GAD2: variants seen among roughly 807,000 people sequenced by gnomAD.
The protein encoded by GAD2 is 65 kDa glutamic acid decarboxylase.
Under a neutral mutation model 80.1 loss-of-function variants are expected in GAD2, and 22 were observed. That is an observed-to-expected ratio of 0.27 (90% confidence interval 0.20 to 0.39). The LOEUF (loss-of-function observed/expected upper bound fraction) is 0.39, where lower values mean the gene tolerates loss of function less well. Ranked by LOEUF, GAD2 falls within the 10% of genes least tolerant of loss-of-function variation. GAD2 has a pLI of 1.00. For missense variants in GAD2, 624 were observed against 738.4 expected (o/e 0.85, Z 1.80); for synonymous variants, 274 against 256.9 (o/e 1.07, Z -0.64).
At chr10:26,229,185 C>A (rs1025886358) in intron 6 of GAD2, among the ~76,000 whole-genome samples, 4 of 143,560 alleles carry the variant, frequency 2.8e-5, no homozygotes, top group African/African-American at 1.1e-4. Context: ...CAGAGTGAGA[C>A]CCTGTCTCAA....
chr10:26,257,912 T>C (rs950263376), intron 8 of GAD2, among the ~76,000 whole-genome samples: 1 of 152,192 alleles, frequency 6.6e-6, no homozygotes, highest in African/African-American at 2.4e-5. Context: ...GTTCAGCGCA[T>C]TGTAGTGGGA....
At chr10:26,281,377 C>G (rs900871154) in intron 12 of GAD2, among the ~76,000 whole-genome samples, 6 of 152,146 alleles carry the variant, frequency 3.9e-5, no homozygotes, top group African/African-American at 1.4e-4. Flanking sequence ...AATCCAGAGA[C>G]CCTCTATGTC....
At position 26,292,987 on chromosome 10, in the gene GAD2, C is replaced by G. The variant is rs149742560; in HGVS notation, c.1580C>G (p.Ser527Trp). The G allele has an allele frequency of 2.5e-6, 4 of 1,611,646 alleles. No individual in the cohort carries two copies. In the South Asian group the frequency reaches 3.3e-5, roughly 13 times the overall value. ...EDNEERMSRLSKVAPVIKARM... is the reference protein window; with the variant it reads ...EDNEERMSRLWKVAPVIKARM... ...AATGAAGAGAGAATGAGTCGCCTCT[C>G]GAAGGTCAGTGCTCCAAGCTCCTCT... Residue 527 changes from serine to tryptophan, a missense_variant, in exon 15 of 16, where the codon TCG becomes TGG. Ser to Trp is a radical substitution (Grantham distance 177, BLOSUM62 -3). Transcript: ENST00000376261.
chr10:26,250,242 C>T (rs973365437), intron 8 of GAD2, among the ~76,000 whole-genome samples: 3 of 152,166 alleles, frequency 2.0e-5, no homozygotes, highest in Admixed American at 6.5e-5. Flanking sequence ...TCTTGAACTC[C>T]TAGCCTCAAA....
At chr10:26,227,477 T>G (rs1247825981) in intron 6 of GAD2, among the ~76,000 whole-genome samples, 3 of 152,222 alleles carry the variant, frequency 2.0e-5, no homozygotes, top group Non-Finnish European at 4.4e-5. Flanking sequence ...TCAGAAGAAA[T>G]GCACATGAAG....
At chr10:26,293,879 C>T (rs1834245846) in intron 15 of GAD2, among the ~76,000 whole-genome samples, 1 of 152,156 alleles carries the variant, frequency 6.6e-6, no homozygotes, top group South Asian at 2.1e-4. Flanking sequence ...AAGGATTGTC[C>T]ACCCATCTTG....
At chr10:26,241,294 A>G (rs983042120) in intron 7 of GAD2, among the ~76,000 whole-genome samples, 1 of 152,206 alleles carries the variant, frequency 6.6e-6, no homozygotes, top group Non-Finnish European at 1.5e-5. Context: ...ACTGATCATT[A>G]CAAGAGTCTT....
At chr10:26,220,249 T>C (rs1844436263) in intron 4 of GAD2, among the ~76,000 whole-genome samples, 2 of 152,202 alleles carry the variant, frequency 1.3e-5, no homozygotes, top group Admixed American at 1.3e-4. Context: ...AGTTGATGTG[T>C]AGCCTTTAAA....
At chr10:26,269,924 T>A (rs1018435710) in intron 9 of GAD2, among the ~76,000 whole-genome samples, 19 of 152,200 alleles carry the variant, frequency 1.2e-4, no homozygotes, top group Non-Finnish European at 2.4e-4. Context: ...TCTAGTAACA[T>A]CAACTAGAAG....
Position 26,217,601 on chromosome 10 carries a change from TC to T in GAD2, c.77-7del. 1.9e-6 allele frequency: 3 copies of T among 1,611,518 alleles called. No homozygotes were observed. The highest frequency in any genetic ancestry group is 2.5e-6 in the Non-Finnish European group (3 of 1,178,938). On this transcript the variant is annotated splice_polypyrimidine_tract_variant and splice_region_variant and intron_variant, in intron 1 of 15. Transcript: ENST00000376261. The surrounding 1 kb of genome is among the most constrained non-coding windows in gnomAD (Gnocchi z 4.9). ...GCCTCGCTGTCTGCCTGCCTATTCT[TC>T]CTTGCAGCGCGAGCCTGGTGCCAAG...
chr10:26,292,777 G>A, intron 14 of GAD2, 125 bp from the exon 15 acceptor site: 1 of 901,368 alleles, frequency 1.1e-6, no homozygotes, highest in Admixed American at 1.8e-5. Flanking sequence ...CCCTCCAATG[G>A]CAATTCCTGA....
chr10:26,294,591 C>T (rs1239264307), intron 15 of GAD2, among the ~76,000 whole-genome samples: 1 of 152,166 alleles, frequency 6.6e-6, no homozygotes, highest in East Asian at 1.9e-4. Context: ...TTCCAATGTG[C>T]ACCTCAGCTA....
At chr10:26,236,409 T>C (rs1196063544) in intron 7 of GAD2, among the ~76,000 whole-genome samples, 3 of 151,190 alleles carry the variant, frequency 2.0e-5, no homozygotes, top group Non-Finnish European at 4.4e-5. Flanking sequence ...CAAGCAATGG[T>C]CCTGCCTCAG....
chr10:26,276,082 C>G (rs1845197471), intron 11 of GAD2, among the ~76,000 whole-genome samples: 1 of 152,048 alleles, frequency 6.6e-6, no homozygotes, highest in Non-Finnish European at 1.5e-5. Context: ...AGGAGGATCA[C>G]TGGAGTCCAG....
chr10:26,234,723 A>G (rs976480510), intron 7 of GAD2, among the ~76,000 whole-genome samples: 1 of 152,166 alleles, frequency 6.6e-6, no homozygotes. Context: ...GGAGGGTTCA[A>G]TTAGACACCA....
intron 7 of GAD2, among the ~76,000 whole-genome samples, chr10:26,241,030 A>G (rs7910604): frequency 0.071 from 10,816 of 152,130 alleles, 1,260 homozygotes; most frequent in African/African-American, 0.24. Flanking sequence ...CGACAGAGTG[A>G]GACTCCGTCT....
chr10:26,301,782 C>T lies in GAD2; in HGVS notation c.*821C>T, dbSNP rs1229619590. On this transcript the variant is annotated 3_prime_UTR_variant, in exon 16 of 16. Coordinates refer to ENST00000376261, the MANE Select transcript of GAD2 (RefSeq NM_001134366.2). ...CCATTGGCAGTAAGATTCTCTTCCCCTTTAAGTTTTCCACCCATTTTACTC... is the reference window on the plus strand; with the variant it reads ...CCATTGGCAGTAAGATTCTCTTCCCTTTTAAGTTTTCCACCCATTTTACTC... 6.6e-6 allele frequency: 1 copy of T among 152,166 alleles called. No homozygotes were observed. The highest frequency in any genetic ancestry group is 1.5e-5 in the Non-Finnish European group (1 of 68,018). The allele number at this position is 152,166 out of a possible 1,614,324, so 9.4% of individuals were successfully genotyped here. A position where few individuals can be genotyped will look rare whatever the true frequency, so the allele number is the denominator to read the frequency against.
At chr10:26,229,844 G>A (rs1589138220) in intron 7 of GAD2, 67 bp downstream of exon 7, 1 of 1,168,998 alleles carries the variant, frequency 8.6e-7, no homozygotes, top group Non-Finnish European at 1.3e-6. Context: ...AGGAGTGATG[G>A]CTGGAAATGC....
At chr10:26,216,688 G>T (rs912684088), upstream of GAD2, 8 of 624,708 alleles carry the variant, frequency 1.3e-5, no homozygotes, top group East Asian at 1.0e-4. This position sits in a 1 kb window ranked among gnomAD's most constrained non-coding sequence, Gnocchi z 4.7. Context: ...GCTCGGCCCC[G>T]CCGGTCCCCG....
Sources: allele counts gnomAD v4.1 joint callset (sites outside exome capture counted in the v4.1 genomes callset), GRCh38; gene constraint gnomAD v4.1.1; non-coding constraint Gnocchi (gnomAD v3.1); transcripts MANE v1.5; gene names NCBI Gene and HGNC (gene_info 2026-07-23, HGNC 2026-07-21).